PIWIL1: variants seen among roughly 807,000 people sequenced by gnomAD.
PIWIL1 encodes the protein piwi like RNA-mediated gene silencing 1, also known as piwi-like protein 1.
A neutral mutation model predicts 114.4 loss-of-function variants in PIWIL1; 73 were observed. That is an observed-to-expected ratio of 0.64 (90% CI 0.53 to 0.78). The LOEUF is 0.78. Among genes scored for constraint, PIWIL1 ranks in the 30% least tolerant of loss-of-function variants. The pLI is 0.00. For synonymous variants in PIWIL1, 375 were observed against 369.0 expected, an observed-to-expected ratio of 1.02 and a Z score of -0.19; for missense variants, 723 against 1,063.1, an observed-to-expected ratio of 0.68 and a Z score of 4.45.
chr12:130,410,129 T>C, the PIWIL1 span, among the ~76,000 whole-genome samples: 1 of 152,214 alleles, frequency 6.6e-6, no homozygotes, highest in Non-Finnish European at 1.5e-5. Flanking sequence ...TAATTTGTGT[T>C]TCACTGATGA....
At position 130,345,850 on chromosome 12, in the gene PIWIL1, C is replaced by T. The variant is rs1237422119; in HGVS notation, c.288C>T (p.Asn96=). The T allele has an allele frequency of 1.9e-6, 3 of 1,613,580 alleles. No homozygotes were observed. Among genetic ancestry groups the T allele is most frequent in the Admixed American group, 1.7e-5 (1 of 59,968 alleles). The change falls in exon 4 of 21, where the codon AAC becomes AAT. Residue 96 remains asparagine (N), a synonymous_variant. Coordinates refer to ENST00000245255, the MANE Select transcript of PIWIL1 (RefSeq NM_004764.5). ...FHDLGVNTRQ[N]LDHVKESKTG... ...ATCTTGGTGTGAATACAAGGCAGAA[C>T]CTAGACCATGTTAAAGAATCAAAAA...
rs753387231 is a variant in PIWIL1, at chr12:130,349,865, T to C, written c.942T>C (p.Asn314=). 6.3e-6 allele frequency: 10 copies of C among 1,587,718 alleles called. No homozygotes were observed. Among genetic ancestry groups the C allele is most frequent in the Admixed American group, 3.5e-5 (2 of 57,696 alleles). The change falls in exon 9 of 21, where the codon AAT becomes AAC. Residue 314 remains asparagine (N), a synonymous_variant. Coordinates refer to ENST00000245255, the MANE Select transcript of PIWIL1 (RefSeq NM_004764.5). The part of the protein sequence containing the change: ...IGLVVLTKYN[N]KTYRVDDIDW... ...CTCAACTGATCCCTAGGTATAACAA[T>C]AAGACATACAGAGTGGATGATATTG...
chr12:130,400,037 G>A, the PIWIL1 span, among the ~76,000 whole-genome samples: 3 of 152,144 alleles, frequency 2.0e-5, no homozygotes, highest in Non-Finnish European at 4.4e-5. Context: ...CCTGTTCAGT[G>A]AGGAGCTGAG....
chr12:130,363,036 G>T lies in PIWIL1; in HGVS notation c.2087G>T (p.Arg696Leu). 1.2e-6 allele frequency: 2 copies of T among 1,614,202 alleles called. No individual in the cohort carries two copies. The highest frequency in any genetic ancestry group is 1.7e-6 in the Non-Finnish European group (2 of 1,180,032). The stretch of plus-strand genomic sequence containing the variant: ...AGCTGCAATGAGTACATGCCCAGCC[G>T]GATCATCGTGTACCGCGATGGCGTA... ...WNSCNEYMPS[R>L]IIVYRDGVGD... is the part of the protein sequence containing the mutation. The change falls in exon 18 of 21, where the codon CGG becomes CTG. Residue 696 changes from arginine to leucine, a missense_variant. Transcript: ENST00000245255.
At chr12:130,340,411 C>T (rs930822894) in intron 1 of PIWIL1, among the ~76,000 whole-genome samples, 2 of 151,934 alleles carry the variant, frequency 1.3e-5, no homozygotes, top group African/African-American at 4.8e-5. Flanking sequence ...ACGGTTCCAC[C>T]TCGGATTATC....
chr12:130,376,456 A>G (rs996083306), downstream of PIWIL1, among the ~76,000 whole-genome samples: 1 of 152,232 alleles, frequency 6.6e-6, no homozygotes, highest in Non-Finnish European at 1.5e-5. Flanking sequence ...GCAGAACTCC[A>G]AAGGAGTCTG....
chr12:130,363,739 TC>T (rs1307203644), intron 18 of PIWIL1, among the ~76,000 whole-genome samples: 2 of 146,402 alleles, frequency 1.4e-5, no homozygotes, highest in East Asian at 4.4e-4. Flanking sequence ...TGCCCCAGCC[TC>T]CTGAGTAGCT....
the PIWIL1 span, among the ~76,000 whole-genome samples, chr12:130,418,394 T>C: frequency 8.6e-3 from 1,303 of 152,318 alleles, 29 homozygotes; most frequent in African/African-American, 0.029. Flanking sequence ...CCATGGCCTC[T>C]ACAACAGGCA....
the PIWIL1 span, chr12:130,425,166 C>G: frequency 7.4e-6 from 2 of 270,540 alleles, no homozygotes; most frequent in East Asian, 1.3e-4. Context: ...ACATCAGGCC[C>G]CACAGTGCCC....
At chr12:130,353,388 GT>G (rs762805665) in intron 9 of PIWIL1, among the ~76,000 whole-genome samples, 3 of 149,790 alleles carry the variant, frequency 2.0e-5, no homozygotes, top group East Asian at 2.0e-4. Flanking sequence ...GAGGTGTGTG[GT>G]TTTTTTGTTC....
At chr12:130,410,416 A>G in the PIWIL1 span, among the ~76,000 whole-genome samples, 60 of 152,200 alleles carry the variant, frequency 3.9e-4, no homozygotes, top group South Asian at 0.012. Flanking sequence ...ATCATGTTTT[A>G]ATGTCCTGTC....
intron 13 of PIWIL1, 116 bp downstream of exon 13, chr12:130,357,221 T>C: frequency 4.8e-6 from 4 of 825,910 alleles, no homozygotes; most frequent in Non-Finnish European, 7.5e-6. Flanking sequence ...TGTGGCTCCC[T>C]GTAATGCAGA....
chr12:130,424,226 G>A, the PIWIL1 span: 2 of 1,231,974 alleles, frequency 1.6e-6, no homozygotes, highest in Non-Finnish European at 2.0e-6. This position sits in a 1 kb window ranked among gnomAD's most constrained non-coding sequence, Gnocchi z 9.8. Context: ...TTTTCTTCCA[G>A]ACACCCCGAA....
At chr12:130,390,108 C>A in the PIWIL1 span, among the ~76,000 whole-genome samples, 16,640 of 152,240 alleles carry the variant, frequency 0.11, 1,004 homozygotes, top group Middle Eastern at 0.21. Flanking sequence ...ATTGTTCAAT[C>A]TAATCAGCAC....
chr12:130,424,107 C>CA, the PIWIL1 span: 4 of 1,139,136 alleles, frequency 3.5e-6, no homozygotes, highest in Non-Finnish European at 4.4e-6. This position sits in a 1 kb window ranked among gnomAD's most constrained non-coding sequence, Gnocchi z 9.8. Flanking sequence ...ATTGGTTTGG[C>CA]AAGCGGCTGT....
the PIWIL1 span, among the ~76,000 whole-genome samples, chr12:130,404,820 T>C: frequency 6.6e-6 from 1 of 152,104 alleles, no homozygotes; most frequent in Non-Finnish European, 1.5e-5. Context: ...CTCCCAAACA[T>C]AAAAATGCAT....
the PIWIL1 span, among the ~76,000 whole-genome samples, chr12:130,417,755 C>A: frequency 2.6e-5 from 4 of 152,158 alleles, no homozygotes; most frequent in African/African-American, 7.2e-5. Flanking sequence ...TTTAAGAAAT[C>A]AAAACAATTA....
the PIWIL1 span, among the ~76,000 whole-genome samples, chr12:130,380,339 C>T: frequency 6.6e-6 from 1 of 152,218 alleles, no homozygotes; most frequent in African/African-American, 2.4e-5. Flanking sequence ...TCCCCCCACC[C>T]CCCAACTTTT....
intron 1 of PIWIL1, 22 bp from the exon 2 acceptor site, chr12:130,342,558 T>TTCA: frequency 6.9e-7 from 1 of 1,451,516 alleles, no homozygotes; most frequent in Non-Finnish European, 9.7e-7. Flanking sequence ...GAGTATTGTC[T>TTCA]TCAAGATTGT....
Sources: gnomAD v4.1 joint callset for allele counts (sites outside exome capture counted in the v4.1 genomes callset) on GRCh38, gnomAD v4.1.1 for gene constraint, Gnocchi (gnomAD v3.1) non-coding constraint, MANE v1.5 for transcripts, NCBI Gene and HGNC (gene_info 2026-07-23, HGNC 2026-07-21) for gene names.